The following GRAMD4 variants were observed in gnomAD, a reference collection of about 807,000 sequenced individuals.
The protein encoded by GRAMD4 is GRAM domain containing 4.
GRAMD4 carries 25 observed loss-of-function variants against 83.9 expected under a neutral mutation model. The observed-to-expected ratio is 0.30, with a 90% confidence interval of 0.22 to 0.42. GRAMD4 has a LOEUF of 0.42. Among genes scored for constraint, GRAMD4 ranks in the 10% least tolerant of loss-of-function variants. The probability of loss-of-function intolerance (pLI) is 1.00; values close to 1 mark genes in which losing one functional copy is unlikely to be tolerated. For synonymous variants in GRAMD4, 336 were observed against 320.9 expected (o/e 1.05, Z -0.50); for missense variants, 593 against 788.7 (o/e 0.75, Z 2.97).
intron 1 of GRAMD4, among the ~76,000 whole-genome samples, chr22:46,612,209 G>A (rs1019131016): frequency 3.3e-5 from 5 of 152,012 alleles, no homozygotes; most frequent in Non-Finnish European, 7.4e-5. Context: ...GTCTTGCCGT[G>A]TTGTCTGGGC....
At chr22:46,577,513 C>T (rs1416650425) in intron 1 of GRAMD4, among the ~76,000 whole-genome samples, 1 of 151,124 alleles carries the variant, frequency 6.6e-6, no homozygotes, top group Non-Finnish European at 1.5e-5. Flanking sequence ...CCCGCGGGCA[C>T]CTGCGGCCGC....
At chr22:46,658,349 C>A (rs1327932679) in intron 4 of GRAMD4, 42 bp downstream of exon 4, 8 of 1,526,410 alleles carry the variant, frequency 5.2e-6, no homozygotes, top group Non-Finnish European at 6.2e-6. Context: ...GTGCGGCTGC[C>A]CCAACCCCCC....
At chr22:46,673,949 A>G in intron 15 of GRAMD4, 135 bp downstream of exon 15, 1 of 946,986 alleles carries the variant, frequency 1.1e-6, no homozygotes, top group Non-Finnish European at 1.6e-6. Context: ...TTCACATCCC[A>G]CTGCCCCAGG....
intron 3 of GRAMD4, among the ~76,000 whole-genome samples, chr22:46,644,597 TCTGTCCCTGTTCCAGGTTACAC>T (rs1363331853): frequency 2.0e-5 from 3 of 149,632 alleles, no homozygotes; most frequent in Middle Eastern, 3.3e-3. Flanking sequence ...CCGGGTTACA[TCTGTCCCTGTTCCAGGTTACAC>T]CTGTCCCTGT....
At chr22:46,577,232 G>T in exon 1 of GRAMD4, 1 of 967,130 alleles carries the variant, frequency 1.0e-6, no homozygotes, top group Non-Finnish European at 1.2e-6. Flanking sequence ...GCGGCCGGGC[G>T]GCCGGCGAGG....
intron 3 of GRAMD4, among the ~76,000 whole-genome samples, chr22:46,654,275 C>T (rs975433189): frequency 1.6e-4 from 25 of 152,218 alleles, no homozygotes; most frequent in African/African-American, 5.5e-4. Context: ...CAGGCTCCTC[C>T]TGCCTTGGGG....
At chr22:46,623,509 T>C (rs549089293) in intron 1 of GRAMD4, among the ~76,000 whole-genome samples, 4 of 152,086 alleles carry the variant, frequency 2.6e-5, no homozygotes, top group Middle Eastern at 3.4e-3. Flanking sequence ...TGCCTCAGCC[T>C]CCTGAGTAGC....
chr22:46,596,731 A>G (rs2081265509), intron 1 of GRAMD4, among the ~76,000 whole-genome samples: 1 of 152,150 alleles, frequency 6.6e-6, no homozygotes, highest in Non-Finnish European at 1.5e-5. Context: ...TTGTATTTTT[A>G]GTAGAGACAG....
chr22:46,607,985 C>G (rs555709365), intron 1 of GRAMD4, among the ~76,000 whole-genome samples: 2 of 152,210 alleles, frequency 1.3e-5, no homozygotes, highest in Non-Finnish European at 2.9e-5. Context: ...GTTAGGGCAG[C>G]ACTTCCAGCT....
intron 1 of GRAMD4, among the ~76,000 whole-genome samples, chr22:46,600,299 C>A (rs1373045682): frequency 6.6e-6 from 1 of 152,142 alleles, no homozygotes; most frequent in Non-Finnish European, 1.5e-5. Flanking sequence ...ATGGAAAGGG[C>A]CCCCACAGAT....
In GRAMD4 at chr22:46,679,638, T is replaced by C. The variant is rs1437064245; in HGVS notation, c.*2387T>C. The C allele has an allele frequency of 3.0e-6, 3 of 983,792 alleles. No individual in the cohort carries two copies. The highest frequency in any genetic ancestry group is 6.1e-5 in the Admixed American group (1 of 16,288). The allele number at this position is 983,792 out of a possible 1,614,324, so 60.9% of individuals were successfully genotyped here. A position where few individuals can be genotyped will look rare whatever the true frequency, so the allele number is the denominator to read the frequency against. ...TAAATAATCATTGCCAGTGTGACTT[T>C]TGTTCAACAAAAGGATTGTACTGTA... On this transcript the variant is annotated 3_prime_UTR_variant, in exon 19 of 19. Coordinates refer to ENST00000406902, the MANE Select transcript of GRAMD4 (RefSeq NM_015124.5).
intron 3 of GRAMD4, among the ~76,000 whole-genome samples, chr22:46,644,080 AGGTAAATGTTAAG>A (rs1346989041): frequency 6.6e-6 from 1 of 152,232 alleles, no homozygotes; most frequent in Non-Finnish European, 1.5e-5. Flanking sequence ...CTTCCTGCTT[AGGTAAATGTTAAG>A]GTGCTCACAC....
chr22:46,673,006 G>T lies in GRAMD4; in HGVS notation c.1239+9G>T. ...CCGCAGTCTCACGCAGGGTGAGCCC[G>T]GCCCCCAGCTGCGGGGATGGGGGGA... is the stretch of plus-strand genomic sequence containing the variant. On this transcript the variant is annotated intron_variant, in intron 14 of 18. Coordinates refer to ENST00000406902, the MANE Select transcript of GRAMD4 (RefSeq NM_015124.5). 6.3e-7 allele frequency: 1 copy of T among 1,576,464 alleles called. No homozygotes were observed. Among genetic ancestry groups the T allele is most frequent in the Non-Finnish European group, 8.6e-7 (1 of 1,166,448 alleles).
chr22:46,598,986 C>T (rs1194728023), intron 1 of GRAMD4, among the ~76,000 whole-genome samples: 1 of 152,062 alleles, frequency 6.6e-6, no homozygotes, highest in Non-Finnish European at 1.5e-5. Context: ...CTGGTGGCCT[C>T]CGGTGCCCAC....
chr22:46,664,150 G>C, intron 8 of GRAMD4, 33 bp downstream of exon 8: 1 of 1,459,078 alleles, frequency 6.9e-7, no homozygotes. Flanking sequence ...GAGCAGGGTG[G>C]GTGGGATGTG....
At position 46,658,793 on chromosome 22, in the gene GRAMD4, C is replaced by T. The variant is rs181197160; in HGVS notation, c.404+486C>T. Among the ~76,000 whole-genome samples, 719 of 151,112 alleles carry T rather than the reference C, an allele frequency of 4.8e-3. 4 individuals are homozygous for T. The highest frequency in any genetic ancestry group is 6.3e-3 in the Non-Finnish European group (428 of 67,916). On this transcript the variant is annotated intron_variant, in intron 4 of 18. Coordinates refer to ENST00000406902, the MANE Select transcript of GRAMD4 (RefSeq NM_015124.5). ...CCATGCCCCCTGTCTGCCCCAGCCACGCTGTGGCCCCCGCCCCCCTGCCCC... is the reference window on the plus strand; with the variant it reads ...CCATGCCCCCTGTCTGCCCCAGCCATGCTGTGGCCCCCGCCCCCCTGCCCC...
At chr22:46,668,036 C>G in intron 10 of GRAMD4, 60 bp from the exon 11 acceptor site, 2 of 1,219,488 alleles carry the variant, frequency 1.6e-6, no homozygotes, top group South Asian at 2.5e-5. Context: ...ACTGTTTTGT[C>G]AGTGGTTTTT....
At chr22:46,679,956 G>A (rs1165785771), downstream of GRAMD4, among the ~76,000 whole-genome samples, 1 of 152,226 alleles carries the variant, frequency 6.6e-6, no homozygotes, top group Non-Finnish European at 1.5e-5. Flanking sequence ...AGTGACGGCT[G>A]TGGGGTGAGG....
chr22:46,654,272 C>T lies in GRAMD4; in HGVS notation c.284-3915C>T, dbSNP rs887178497. Among the ~76,000 whole-genome samples the T allele has an allele frequency of 2.0e-5, 3 of 152,230 alleles. 1 individual carries two copies. The highest frequency in any genetic ancestry group is 6.5e-5 in the Admixed American group (1 of 15,292). ...CCTCGGAGGAAGGGTCCCCAGGCTC[C>T]TCCTGCCTTGGGGCATGGACCCGCC... On this transcript the variant is annotated intron_variant, in intron 3 of 18. Transcript: ENST00000406902.
Sources: gnomAD v4.1 joint callset for allele counts (sites outside exome capture counted in the v4.1 genomes callset) on GRCh38, gnomAD v4.1.1 for gene constraint, MANE v1.5 for transcripts, NCBI Gene and HGNC (gene_info 2026-07-23, HGNC 2026-07-21) for gene names.